The following PTBP3 variants were observed in gnomAD, a reference collection of about 807,000 sequenced individuals.
PTBP3 encodes polypyrimidine tract-binding protein 3.
A neutral mutation model predicts 58.7 loss-of-function variants in PTBP3; 20 were observed. The observed-to-expected ratio is 0.34, with a 90% CI of 0.24 to 0.50. The LOEUF (loss-of-function observed/expected upper bound fraction) is 0.50. PTBP3 is among the 20% of genes least tolerant of loss of function. PTBP3 has a pLI of 0.98. For synonymous variants in PTBP3, 185 were observed against 219.8 expected (o/e 0.84, Z 1.40); for missense variants, 509 against 637.2 (o/e 0.80, Z 2.17).
Position 112,325,024 on chromosome 9 carries a change from A to C in PTBP3, c.-52+8446T>G, listed in dbSNP as rs117043290. On this transcript the variant is annotated intron_variant, in intron 1 of 13. Transcript: ENST00000374257. ...GATTGAATGAAACATACATATACCC[A>C]AAGACTTACACATAAATGTTCGTGG... Among the ~76,000 whole-genome samples, 751 of 152,350 alleles carry C rather than the reference A, an allele frequency of 4.9e-3. 3 individuals carry two copies. The highest frequency in any genetic ancestry group is 8.2e-3 in the Non-Finnish European group (556 of 68,046).
intron 1 of PTBP3, among the ~76,000 whole-genome samples, chr9:112,300,313 AT>A (rs1330677983): frequency 6.6e-6 from 1 of 152,246 alleles, no homozygotes; most frequent in Non-Finnish European, 1.5e-5. Flanking sequence ...CTTCAGCAGC[AT>A]TATTTGTACT....
chr9:112,266,140 G>A (rs1429373532), intron 4 of PTBP3, among the ~76,000 whole-genome samples: 1 of 152,122 alleles, frequency 6.6e-6, no homozygotes, highest in Non-Finnish European at 1.5e-5. Context: ...TGGATAGAGT[G>A]TTTCAGTTTG....
chr9:112,359,594 G>A, the PTBP3 span, among the ~76,000 whole-genome samples: 1,292 of 151,896 alleles, frequency 8.5e-3, 25 homozygotes, highest in African/African-American at 0.03. Flanking sequence ...ACCTGAGGTC[G>A]GGAGTTCAAG....
At chr9:112,325,240 G>A (rs922267821) in intron 1 of PTBP3, among the ~76,000 whole-genome samples, 2 of 152,178 alleles carry the variant, frequency 1.3e-5, no homozygotes, top group African/African-American at 2.4e-5. Flanking sequence ...GCCTAAATAC[G>A]CCCACAGTGA....
chr9:112,296,677 C>T (rs1828703514), intron 2 of PTBP3, among the ~76,000 whole-genome samples: 1 of 152,162 alleles, frequency 6.6e-6, no homozygotes, highest in Non-Finnish European at 1.5e-5. Flanking sequence ...GACCCACTGC[C>T]TATCTGTCAT....
At chr9:112,240,986 T>C (rs906761949) in intron 7 of PTBP3, among the ~76,000 whole-genome samples, 6 of 152,248 alleles carry the variant, frequency 3.9e-5, no homozygotes, top group Non-Finnish European at 7.3e-5. Context: ...CACAATGTGC[T>C]TGTGTTTCAA....
upstream of PTBP3, among the ~76,000 whole-genome samples, chr9:112,336,118 C>G (rs778391620): frequency 8.5e-5 from 13 of 152,066 alleles, no homozygotes; most frequent in Non-Finnish European, 1.8e-4. Flanking sequence ...AAGTGATCCA[C>G]CCACCTCGGC....
intron 5 of PTBP3, among the ~76,000 whole-genome samples, chr9:112,255,813 CT>C (rs1434108134): frequency 6.6e-5 from 10 of 152,146 alleles, no homozygotes; most frequent in African/African-American, 2.4e-4. Context: ...TTTTGTTTTC[CT>C]AGAAATGTGT....
chr9:112,355,777 G>A, the PTBP3 span, among the ~76,000 whole-genome samples: 1 of 151,746 alleles, frequency 6.6e-6, no homozygotes, highest in Admixed American at 6.6e-5. Context: ...GCGCCACCGC[G>A]CCTGGCTAAT....
At chr9:112,319,202 C>T (rs1451325897) in intron 1 of PTBP3, among the ~76,000 whole-genome samples, 1 of 147,812 alleles carries the variant, frequency 6.8e-6, no homozygotes, top group East Asian at 2.0e-4. Context: ...ATAAATTTAA[C>T]CAAGAAGGGT....
At chr9:112,246,770 T>G (rs1299678782) in intron 7 of PTBP3, among the ~76,000 whole-genome samples, 1 of 151,692 alleles carries the variant, frequency 6.6e-6, no homozygotes, top group African/African-American at 2.4e-5. Flanking sequence ...ATCAGTAAAT[T>G]CGTTACAAAG....
At chr9:112,356,632 C>A in the PTBP3 span, among the ~76,000 whole-genome samples, 34,341 of 150,844 alleles carry the variant, frequency 0.23, 4,358 homozygotes, top group African/African-American at 0.28. Flanking sequence ...CACTCCGCTG[C>A]TTGTGCTCAT....
At chr9:112,306,387 T>G (rs1204710902) in intron 1 of PTBP3, among the ~76,000 whole-genome samples, 1 of 149,394 alleles carries the variant, frequency 6.7e-6, no homozygotes, top group African/African-American at 2.5e-5. Context: ...GCTGGTCTCC[T>G]GGGCTCAAGC....
the PTBP3 span, among the ~76,000 whole-genome samples, chr9:112,344,862 G>A: frequency 3.3e-5 from 5 of 152,136 alleles, no homozygotes; most frequent in East Asian, 5.8e-4. Context: ...AGCCAGGCAC[G>A]GTGGCTCACA....
intron 1 of PTBP3, among the ~76,000 whole-genome samples, chr9:112,329,229 GTCGAAACCCCGTCTCTATTAAAAA>G (rs1334156145): frequency 6.6e-6 from 1 of 152,136 alleles, no homozygotes; most frequent in Non-Finnish European, 1.5e-5. Flanking sequence ...TGGGCAACGT[GTCGAAACCCCGTCTCTATTAAAAA>G]TACAAAAAAA....
intron 7 of PTBP3, chr9:112,242,745 T>A (rs1011233825): frequency 3.4e-4 from 51 of 152,200 alleles, no homozygotes; most frequent in African/African-American, 1.1e-3. Flanking sequence ...TGTAGACATC[T>A]GATCAGCACG....
At chr9:112,266,558 T>C (rs1288930914) in intron 4 of PTBP3, among the ~76,000 whole-genome samples, 2 of 152,198 alleles carry the variant, frequency 1.3e-5, no homozygotes, top group Admixed American at 6.5e-5. Flanking sequence ...ATATGCTGCA[T>C]TGGAATATAC....
In PTBP3 at chr9:112,311,337, T is replaced by C. The variant is rs1829464584; in HGVS notation, c.-51-13421A>G. On this transcript the variant is annotated intron_variant, in intron 1 of 13. Transcript: ENST00000374257. ...ACAGACTTTTTTTGTCATTATTCCC[T>C]AAGCAATACAGCATAACAACTATTT... Among the ~76,000 whole-genome samples the C allele has an allele frequency of 2.0e-5, 3 of 152,314 alleles. No homozygotes were observed. In the South Asian group the frequency reaches 6.2e-4, roughly 32 times the overall value.
At chr9:112,252,390 C>A in intron 6 of PTBP3, 1 of 362,588 alleles carries the variant, frequency 2.8e-6, no homozygotes, top group East Asian at 6.9e-5. Flanking sequence ...TATTAGTCAG[C>A]TTATGTGAGG....
Sources: gnomAD v4.1 joint callset for allele counts (sites outside exome capture counted in the v4.1 genomes callset) on GRCh38, gnomAD v4.1.1 for gene constraint, MANE v1.5 for transcripts, NCBI Gene and HGNC (gene_info 2026-07-23, HGNC 2026-07-21) for gene names.